Variants in LZTS1 observed in about 807,000 individuals in gnomAD.
The protein encoded by LZTS1 is leucine zipper putative tumor suppressor 1.
A neutral mutation model predicts 45.8 loss-of-function variants in LZTS1; 31 were observed. That is an observed-to-expected ratio of 0.68 (90% CI 0.51 to 0.91). The LOEUF (loss-of-function observed/expected upper bound fraction) is 0.91, where lower values mean the gene tolerates loss of function less well. Ranked by LOEUF, LZTS1 falls within the 40% of genes least tolerant of loss-of-function variation. LZTS1 has a pLI of 0.00. For synonymous variants in LZTS1, 359 were observed against 357.3 expected, an observed-to-expected ratio of 1.00 and a Z score of -0.05; for missense variants, 821 against 788.9, an observed-to-expected ratio of 1.04 and a Z score of -0.49.
In LZTS1 at chr8:20,251,134, TATATATATATATATAA is replaced by T. The variant is rs1186770396; in HGVS notation, c.1150-787_1150-772del. ...ATATATATATATATATATATATATA[TATATATATATATATAA>T]AATATAAAGTATAAGAGTAGAGATT... On this transcript the variant is annotated intron_variant, in intron 3 of 3. Transcript: ENST00000381569. Among the ~76,000 whole-genome samples the T allele has an allele frequency of 9.3e-4, 65 of 69,672 alleles. 4 individuals carry two copies. The highest frequency in any genetic ancestry group is 2.1e-3 in the South Asian group (4 of 1,926). The allele number at this position is 69,672 out of a possible 152,430, so 45.7% of individuals were successfully genotyped here.
intron 1 of LZTS1, among the ~76,000 whole-genome samples, chr8:20,284,627 C>T (rs1168197653): frequency 6.6e-6 from 1 of 152,016 alleles, no homozygotes. Context: ...GTAGACCTGA[C>T]CTCGGGGTAC....
intron 1 of LZTS1, among the ~76,000 whole-genome samples, chr8:20,273,753 G>A (rs1293547730): frequency 1.3e-5 from 2 of 148,768 alleles, no homozygotes; most frequent in African/African-American, 2.5e-5. Flanking sequence ...AGTTCCCTTG[G>A]GAAATTAATA....
chr8:20,296,028 C>T (rs553864554), intron 1 of LZTS1, among the ~76,000 whole-genome samples: 1 of 152,312 alleles, frequency 6.6e-6, no homozygotes, highest in South Asian at 2.1e-4. Flanking sequence ...GGCTGCCTTA[C>T]ACCCACTCTC....
At chr8:20,250,403 G>A in intron 3 of LZTS1, 40 bp from the exon 4 acceptor site, 3 of 1,537,280 alleles carry the variant, frequency 2.0e-6, no homozygotes, top group Non-Finnish European at 2.6e-6. Flanking sequence ...CAAGAGGTGA[G>A]TGTCCTTACC....
chr8:20,297,815 C>T (rs1294050304), intron 1 of LZTS1, among the ~76,000 whole-genome samples: 9 of 152,066 alleles, frequency 5.9e-5, no homozygotes, highest in African/African-American at 1.9e-4. Context: ...GAGGAAGATT[C>T]GAATGCCCTC....
Position 20,253,066 on chromosome 8 carries a change from G to T in LZTS1, c.865C>A (p.Leu289Ile), listed in dbSNP as rs773460700. The change falls in exon 3 of 4, where the codon CTT (leucine) becomes ATT (isoleucine). Residue 289 changes from leucine (L) to isoleucine (I), a missense_variant. Coordinates refer to ENST00000381569, the MANE Select transcript of LZTS1 (RefSeq NM_021020.5). ...TCCTCGTAGGCCAGGCTGGAGGCAA[G>T]CTCCTTCTCCTCAAAGCTGCGCTGC... is the stretch of plus-strand genomic sequence containing the variant. ...KLQRSFEEKE[L>I]ASSLAYEERP... The T allele has an allele frequency of 7.5e-6, 12 of 1,607,812 alleles. No individual in the cohort carries two copies. The highest frequency in any genetic ancestry group is 9.3e-6 in the Non-Finnish European group (11 of 1,178,440).
At chr8:20,280,290 CTT>C (rs1290976410) in intron 1 of LZTS1, among the ~76,000 whole-genome samples, 1 of 152,204 alleles carries the variant, frequency 6.6e-6, no homozygotes, top group Non-Finnish European at 1.5e-5. Context: ...ATTGGAAGGA[CTT>C]TGGCTCTTCC....
intron 1 of LZTS1, among the ~76,000 whole-genome samples, chr8:20,299,649 C>CATG (rs1801039132): frequency 2.6e-5 from 4 of 152,070 alleles, no homozygotes; most frequent in Non-Finnish European, 4.4e-5. Flanking sequence ...CATGGAGCCC[C>CATG]GAGAACACAG....
At chr8:20,300,632 G>A (rs1193145900) in intron 1 of LZTS1, among the ~76,000 whole-genome samples, 2 of 152,000 alleles carry the variant, frequency 1.3e-5, no homozygotes, top group Non-Finnish European at 2.9e-5. Flanking sequence ...GCGCCCCGCC[G>A]CCAACACTGT....
intron 3 of LZTS1, among the ~76,000 whole-genome samples, chr8:20,251,113 ATATATATATATATATATATATATATAT>A (rs1799888551): frequency 4.6e-5 from 1 of 21,812 alleles, no homozygotes; most frequent in African/African-American, 1.6e-4. Context: ...ATATATATAT[ATATATATATATATATATATATATATAT>A]ATATATATAA....
Position 20,301,795 on chromosome 8 carries a change from C to T in LZTS1, c.-135+1945G>A, listed in dbSNP as rs549783644. ...TGACAGCACCCCTGCCCCACATCGA[C>T]CCAGGCACACACAGCTGGGGGCACC... is the stretch of plus-strand genomic sequence containing the variant. On this transcript the variant is annotated intron_variant, in intron 1 of 3. Transcript: ENST00000381569. 1.3e-4 allele frequency among the ~76,000 whole-genome samples: 20 copies of T among 152,142 alleles called. No homozygotes were observed. The East Asian group carries it at 3.7e-3, about 28-fold the overall frequency.
intron 1 of LZTS1, among the ~76,000 whole-genome samples, chr8:20,262,170 A>T (rs934479160): frequency 1.3e-5 from 2 of 152,218 alleles, no homozygotes; most frequent in Non-Finnish European, 2.9e-5. Flanking sequence ...CCACTCCCCA[A>T]GCCCACCCAG....
At chr8:20,261,080 AT>A (rs2128894275) in intron 1 of LZTS1, among the ~76,000 whole-genome samples, 1 of 152,256 alleles carries the variant, frequency 6.6e-6, no homozygotes, top group South Asian at 2.1e-4. Context: ...CAACAGACAC[AT>A]TTTTATTTCT....
chr8:20,280,668 G>A (rs1427352276), intron 1 of LZTS1, among the ~76,000 whole-genome samples: 2 of 152,174 alleles, frequency 1.3e-5, no homozygotes, highest in African/African-American at 4.8e-5. Context: ...GAATTGGTGG[G>A]CACAGCAGAG....
At position 20,249,887 on chromosome 8, in the gene LZTS1, G is replaced by A. The variant is rs1799839088; in HGVS notation, c.1626C>T (p.Tyr542=). The change falls in exon 4 of 4, where the codon TAC becomes TAT. Residue 542 remains tyrosine (Y), a synonymous_variant. Coordinates refer to ENST00000381569, the MANE Select transcript of LZTS1 (RefSeq NM_021020.5). The stretch of plus-strand genomic sequence containing the variant: ...CGTAGCTCTGCTGCAGCTGTTTCTG[G>A]TACTGAATCACCTTCTCCTTCTCCT... ...WKEEKEKVIQ[Y]QKQLQQSYVA... is the part of the protein sequence containing the mutation. 1 of 1,614,076 alleles carries A rather than the reference G, an allele frequency of 6.2e-7. No individual in the cohort carries two copies. The highest frequency in any genetic ancestry group is 1.7e-5 in the Admixed American group (1 of 60,008).
intron 1 of LZTS1, among the ~76,000 whole-genome samples, chr8:20,284,619 A>G (rs1800754943): frequency 6.6e-6 from 1 of 152,094 alleles, no homozygotes; most frequent in South Asian, 2.1e-4. Context: ...GGAGACCTGT[A>G]GACCTGACCT....
intron 1 of LZTS1, among the ~76,000 whole-genome samples, chr8:20,301,327 C>G (rs939189807): frequency 1.3e-5 from 2 of 152,202 alleles, no homozygotes; most frequent in East Asian, 3.9e-4. Context: ...TTACTTAACT[C>G]TCCTCATCTA....
rs1312089322 is a variant in LZTS1 at position 20,249,664 on chromosome 8, A to G, written c.*58T>C. On this transcript the variant is annotated 3_prime_UTR_variant, in exon 4 of 4. Coordinates refer to ENST00000381569, the MANE Select transcript of LZTS1 (RefSeq NM_021020.5). Reference sequence around the variant, plus strand: ...CTGAATTGCTGAGCAGGGGGGATGCACGGGAGAGCCCTGCCTCCCAGTGCC... The same window carrying G: ...CTGAATTGCTGAGCAGGGGGGATGCGCGGGAGAGCCCTGCCTCCCAGTGCC... 3 of 1,546,560 alleles carry G rather than the reference A, an allele frequency of 1.9e-6. No individual in the cohort carries two copies. The highest frequency in any genetic ancestry group is 2.6e-6 in the Non-Finnish European group (3 of 1,150,594).
chr8:20,270,788 G>A (rs928862561), intron 1 of LZTS1, among the ~76,000 whole-genome samples: 9 of 142,008 alleles, frequency 6.3e-5, no homozygotes, highest in African/African-American at 2.1e-4. Flanking sequence ...TAGATGCACC[G>A]AGTGTGTCCT....
Sources: allele counts gnomAD v4.1 joint callset (sites outside exome capture counted in the v4.1 genomes callset), GRCh38; gene constraint gnomAD v4.1.1; transcripts MANE v1.5; gene names NCBI Gene and HGNC (gene_info 2026-07-23, HGNC 2026-07-21).